Variants in PDE3A observed in about 807,000 individuals in gnomAD.
PDE3A encodes the protein cGMP-inhibited 3',5'-cyclic phosphodiesterase 3A.
Under a neutral mutation model 98.3 loss-of-function variants are expected in PDE3A, and 43 were observed. The observed-to-expected ratio is 0.44, with a 90% CI of 0.34 to 0.56. PDE3A has a LOEUF of 0.56. PDE3A is among the 20% of genes least tolerant of loss of function. The pLI, the probability that PDE3A is intolerant of heterozygous loss-of-function variation, is 0.01. For synonymous variants in PDE3A, 663 were observed against 567.9 expected (o/e 1.17, Z -2.38); for missense variants, 1,427 against 1,440.7 (o/e 0.99, Z 0.15).
chr12:20,578,362 G>A (rs1555093571), intron 2 of PDE3A, among the ~76,000 whole-genome samples: 1 of 152,020 alleles, frequency 6.6e-6, no homozygotes, highest in Non-Finnish European at 1.5e-5. Context: ...AGACAGAGAT[G>A]GTGGGGCAGC....
rs530367735 is a variant in PDE3A, at chr12:20,650,525, T to C, written c.2850T>C (p.Asp950=). ...LVCQMCIKLA[D]INGPAKCKEL... ...GTCAAATGTGTATAAAGTTGGCTGA[T>C]ATCAATGGTCCAGCTAAATGTAAAG... Residue 950 remains aspartate (D), a synonymous_variant, in exon 14 of 16, where the codon GAT becomes GAC. Transcript: ENST00000359062. The C allele has an allele frequency of 1.9e-6, 3 of 1,611,356 alleles. No individual in the cohort carries two copies. The highest frequency in any genetic ancestry group is 1.1e-5 in the South Asian group (1 of 90,996).
intron 15 of PDE3A, among the ~76,000 whole-genome samples, chr12:20,669,243 G>A (rs1284530919): frequency 6.6e-6 from 1 of 151,988 alleles, no homozygotes; most frequent in Non-Finnish European, 1.5e-5. Context: ...TGAAAGTGAT[G>A]GGGAGAATGG....
At chr12:20,567,481 T>G (rs1942691728) in intron 2 of PDE3A, among the ~76,000 whole-genome samples, 1 of 152,058 alleles carries the variant, frequency 6.6e-6, no homozygotes, top group African/African-American at 2.4e-5. Flanking sequence ...TATTATTACT[T>G]TGACTGTAAA....
At chr12:20,474,090 C>T (rs1945485778) in intron 1 of PDE3A, among the ~76,000 whole-genome samples, 2 of 152,164 alleles carry the variant, frequency 1.3e-5, no homozygotes, top group Admixed American at 1.3e-4. Context: ...TAGCAATATA[C>T]ACTCTCCCCG....
chr12:20,439,249 G>C (rs374424362), intron 1 of PDE3A, among the ~76,000 whole-genome samples: 18 of 152,218 alleles, frequency 1.2e-4, no homozygotes, highest in African/African-American at 4.3e-4. Context: ...GAGCAGAAAG[G>C]TTCACTTTTT....
intron 2 of PDE3A, among the ~76,000 whole-genome samples, chr12:20,563,910 C>G (rs546761607): frequency 7.9e-5 from 12 of 152,278 alleles, no homozygotes; most frequent in African/African-American, 2.9e-4. Flanking sequence ...TCTTCCCCCA[C>G]TCTTTGAAAT....
chr12:20,569,642 G>T (rs1321499224), intron 2 of PDE3A, among the ~76,000 whole-genome samples: 1 of 152,096 alleles, frequency 6.6e-6, no homozygotes, highest in Non-Finnish European at 1.5e-5. Flanking sequence ...ATGAATGATA[G>T]AATACAGATT....
At chr12:20,457,902 CTT>C (rs1945179150) in intron 1 of PDE3A, among the ~76,000 whole-genome samples, 1 of 151,928 alleles carries the variant, frequency 6.6e-6, no homozygotes, top group South Asian at 2.1e-4. Flanking sequence ...TTGAGCCTAT[CTT>C]TTCAGTAAGT....
intron 1 of PDE3A, among the ~76,000 whole-genome samples, chr12:20,475,973 T>G (rs1945525511): frequency 6.6e-6 from 1 of 152,204 alleles, no homozygotes; most frequent in African/African-American, 2.4e-5. Context: ...CAAGAATTGT[T>G]TAAATGCTTC....
chr12:20,573,295 A>G (rs1003913037), intron 2 of PDE3A, among the ~76,000 whole-genome samples: 1 of 151,962 alleles, frequency 6.6e-6, no homozygotes, highest in Non-Finnish European at 1.5e-5. Flanking sequence ...TAGATAATTT[A>G]TTTACTCAGT....
At chr12:20,575,536 G>A (rs1007555492) in intron 2 of PDE3A, among the ~76,000 whole-genome samples, 5 of 152,074 alleles carry the variant, frequency 3.3e-5, no homozygotes, top group African/African-American at 1.2e-4. Context: ...AACTTCAAAA[G>A]TCATCAGCTG....
intron 5 of PDE3A, among the ~76,000 whole-genome samples, chr12:20,626,094 C>T (rs1265291579): frequency 2.0e-5 from 3 of 151,966 alleles, no homozygotes; most frequent in Non-Finnish European, 4.4e-5. Flanking sequence ...AACGGTCATC[C>T]CTCTAACTTT....
intron 1 of PDE3A, among the ~76,000 whole-genome samples, chr12:20,451,085 T>A (rs1945056150): frequency 6.6e-6 from 1 of 152,178 alleles, no homozygotes; most frequent in African/African-American, 2.4e-5. Flanking sequence ...TCCCTTCAGA[T>A]ATGTCAGCAA....
intron 3 of PDE3A, 41 bp from the exon 4 acceptor site, chr12:20,616,189 T>G (rs1447746726): frequency 6.4e-7 from 1 of 1,570,860 alleles, no homozygotes; most frequent in Non-Finnish European, 8.7e-7. Context: ...ATTTAAGAGA[T>G]ATAAAATATT....
chr12:20,664,314 GCTCAA>G (rs1945253872), intron 15 of PDE3A, among the ~76,000 whole-genome samples: 1 of 152,082 alleles, frequency 6.6e-6, no homozygotes, highest in Non-Finnish European at 1.5e-5. Context: ...TGAACTCTTG[GCTCAA>G]GTCTAAAATC....
intron 1 of PDE3A, among the ~76,000 whole-genome samples, chr12:20,420,594 C>T (rs1305345427): frequency 6.6e-6 from 1 of 152,006 alleles, no homozygotes; most frequent in African/African-American, 2.4e-5. Flanking sequence ...ACACGTATTG[C>T]AAGGGACAGG....
chr12:20,415,477 T>A (rs1226365977), intron 1 of PDE3A, among the ~76,000 whole-genome samples: 1 of 151,992 alleles, frequency 6.6e-6, no homozygotes, highest in East Asian at 1.9e-4. Flanking sequence ...CGGAGTGCAG[T>A]GGCATCGATT....
chr12:20,650,492 A>G lies in PDE3A; in HGVS notation c.2817A>G (p.Leu939=), dbSNP rs1019578842. The change falls in exon 14 of 16, where the codon CTA becomes CTG. Residue 939 remains leucine (L), a synonymous_variant. Coordinates refer to ENST00000359062, the MANE Select transcript of PDE3A (RefSeq NM_000921.5). ...ATTGGACCAATGAAAATGATCGTCT[A>G]CTGGTTTGTCAAATGTGTATAAAGT... is the stretch of plus-strand genomic sequence containing the variant. ...GIDWTNENDR[L]LVCQMCIKLA... is the part of the protein sequence containing the mutation. 2.5e-6 allele frequency: 4 copies of G among 1,610,426 alleles called. No homozygotes were observed. In the African/African-American group the frequency reaches 4.0e-5, roughly 16 times the overall value.
chr12:20,463,571 T>G (rs572629771), intron 1 of PDE3A, among the ~76,000 whole-genome samples: 1 of 152,196 alleles, frequency 6.6e-6, no homozygotes, highest in Non-Finnish European at 1.5e-5. Flanking sequence ...AAAGGTATTA[T>G]TTTGCTTATA....
Sources: allele counts gnomAD v4.1 joint callset (sites outside exome capture counted in the v4.1 genomes callset), GRCh38; gene constraint gnomAD v4.1.1; transcripts MANE v1.5; gene names NCBI Gene and HGNC (gene_info 2026-07-23, HGNC 2026-07-21).